The following UST variants were observed in gnomAD, a reference collection of about 807,000 sequenced individuals.
The protein encoded by UST is uronyl 2-sulfotransferase.
A neutral mutation model predicts 45.6 loss-of-function variants in UST; 21 were observed. The ratio of observed to expected loss-of-function variants is 0.46; its 90% CI spans 0.33 to 0.66. The LOEUF (loss-of-function observed/expected upper bound fraction) is 0.66. UST is among the 30% of genes least tolerant of loss of function. The probability of loss-of-function intolerance (pLI) is 0.02; values close to 1 mark genes in which losing one functional copy is unlikely to be tolerated. For synonymous variants in UST, 215 were observed against 200.6 expected, an observed-to-expected ratio of 1.07 and a Z score of -0.61; for missense variants, 463 against 512.4, an observed-to-expected ratio of 0.90 and a Z score of 0.93.
Position 148,948,152 on chromosome 6 carries a change from A to G in UST, c.448-5720A>G, listed in dbSNP as rs188350592. On this transcript the variant is annotated intron_variant, in intron 3 of 7. Transcript: ENST00000367463. The stretch of plus-strand genomic sequence containing the variant: ...GCCTCCTGCTTACAAGGGCTACCCC[A>G]TACTGTGGGAAGAGGGAAGGGTCAC... Among the ~76,000 whole-genome samples, 18 of 152,272 alleles carry G rather than the reference A, an allele frequency of 1.2e-4. 1 individual carries two copies. In the East Asian group the frequency reaches 1.7e-3, roughly 15 times the overall value.
At chr6:149,031,469 G>A (rs1255656539) in intron 7 of UST, among the ~76,000 whole-genome samples, 1 of 152,148 alleles carries the variant, frequency 6.6e-6, no homozygotes, top group Non-Finnish European at 1.5e-5. Flanking sequence ...TTAAATTGCA[G>A]CATAATATAT....
intron 1 of UST, among the ~76,000 whole-genome samples, chr6:148,795,689 G>A (rs529565872): frequency 1.5e-4 from 23 of 152,202 alleles, no homozygotes; most frequent in South Asian, 4.2e-4. Context: ...GGTTTGTTCT[G>A]CTCTAAAATC....
intron 2 of UST, among the ~76,000 whole-genome samples, chr6:148,913,600 T>C (rs1028178576): frequency 1.2e-4 from 18 of 152,062 alleles, no homozygotes; most frequent in Non-Finnish European, 2.6e-4. Context: ...TGAGTAGTTA[T>C]CCTTTTCTTA....
At chr6:148,824,674 C>CTTTTTTTT (rs535345402) in intron 1 of UST, among the ~76,000 whole-genome samples, 3 of 133,374 alleles carry the variant, frequency 2.2e-5, no homozygotes, top group Non-Finnish European at 3.2e-5. Context: ...TATTTTCTTT[C>CTTTTTTTT]TTTTTTTTTT....
intron 2 of UST, among the ~76,000 whole-genome samples, chr6:148,918,376 C>T (rs1317677861): frequency 1.3e-5 from 2 of 152,186 alleles, no homozygotes; most frequent in Non-Finnish European, 2.9e-5. Flanking sequence ...CCCAGCCTAT[C>T]TCTGCTACTT....
In UST at chr6:149,003,911, C is replaced by G. The variant is rs141771315; in HGVS notation, c.682-15228C>G. ...TAGACGTGCAGGGCCTCTATTCATT[C>G]CCAATAGATAATGACAACCAAAATA... On this transcript the variant is annotated intron_variant, in intron 5 of 7. Coordinates refer to ENST00000367463, the MANE Select transcript of UST (RefSeq NM_005715.3). Among the ~76,000 whole-genome samples, 588 of 152,256 alleles carry G rather than the reference C, an allele frequency of 3.9e-3. 3 individuals are homozygous for G. Among genetic ancestry groups the G allele is most frequent in the Admixed American group, 8.2e-3 (125 of 15,300 alleles).
At chr6:149,039,076 G>A (rs1394351616) in intron 7 of UST, among the ~76,000 whole-genome samples, 4 of 152,106 alleles carry the variant, frequency 2.6e-5, no homozygotes, top group Non-Finnish European at 5.9e-5. Flanking sequence ...TGTTAGTTGT[G>A]GTGGTTTCTG....
intron 7 of UST, among the ~76,000 whole-genome samples, chr6:149,053,998 C>T (rs1776527495): frequency 6.6e-6 from 1 of 152,186 alleles, no homozygotes; most frequent in South Asian, 2.1e-4. Flanking sequence ...CCATCTGTCA[C>T]CCCTGTCCAA....
chr6:148,970,005 G>A (rs567483072), intron 5 of UST, among the ~76,000 whole-genome samples: 5 of 152,208 alleles, frequency 3.3e-5, no homozygotes, highest in Non-Finnish European at 5.9e-5. Flanking sequence ...CGCCAGAGCC[G>A]AATGCTCCGC....
At chr6:148,770,740 C>T (rs2114672785) in intron 1 of UST, among the ~76,000 whole-genome samples, 1 of 152,276 alleles carries the variant, frequency 6.6e-6, no homozygotes, top group East Asian at 1.9e-4. Flanking sequence ...GGGTGTTAAG[C>T]TTCCTCTGCA....
At chr6:148,878,942 G>A (rs67910610) in intron 1 of UST, among the ~76,000 whole-genome samples, 10,993 of 152,068 alleles carry the variant, frequency 0.072, 709 homozygotes, top group African/African-American at 0.18. Flanking sequence ...ACTCTGGACA[G>A]ATAGAGGGTG....
At chr6:149,045,735 G>A (rs1776386174) in intron 7 of UST, among the ~76,000 whole-genome samples, 1 of 152,182 alleles carries the variant, frequency 6.6e-6, no homozygotes, top group Non-Finnish European at 1.5e-5. Context: ...AAGGAGAGGT[G>A]GGGTTTTAAG....
At chr6:148,867,584 T>C (rs1166771065) in intron 1 of UST, among the ~76,000 whole-genome samples, 1 of 152,120 alleles carries the variant, frequency 6.6e-6, no homozygotes, top group Non-Finnish European at 1.5e-5. Context: ...CCCCATACTG[T>C]TCTCGTGGTA....
At chr6:148,798,343 AAG>A (rs986081226) in intron 1 of UST, among the ~76,000 whole-genome samples, 3 of 152,082 alleles carry the variant, frequency 2.0e-5, no homozygotes, top group African/African-American at 7.2e-5. Context: ...CTAATATATG[AAG>A]AGGAGTGGGC....
In UST at chr6:148,941,339, G is replaced by A; in HGVS notation, c.352G>A (p.Val118Met). The A allele has an allele frequency of 6.2e-7, 1 of 1,613,166 alleles. No individual in the cohort carries two copies. Among genetic ancestry groups the A allele is most frequent in the Non-Finnish European group, 8.5e-7 (1 of 1,179,866 alleles). ...GGTAGGCAAGTGTGGGAGCCGTACT[G>A]TGGTCTTGCTTCTGAGAATCTTGTC... ...NRVGKCGSRT[V>M]VLLLRILSEK... The change falls in exon 3 of 8, where the codon GTG becomes ATG. Residue 118 changes from valine (V) to methionine (M), a missense_variant. Physicochemically the swap from Val to Met is conservative, Grantham distance 21. Around this residue, in one of 2 missense-constraint regions of UST, gnomAD observed 287 missense variants for 374.2 expected, o/e 0.77. Coordinates refer to ENST00000367463, the MANE Select transcript of UST (RefSeq NM_005715.3).
intron 1 of UST, among the ~76,000 whole-genome samples, chr6:148,867,367 T>C (rs1376253554): frequency 6.6e-6 from 1 of 152,124 alleles, no homozygotes; most frequent in Non-Finnish European, 1.5e-5. Context: ...AAAGCCATTT[T>C]ATTTGTAAAA....
chr6:148,967,519 C>G (rs752076437), intron 5 of UST, among the ~76,000 whole-genome samples: 1 of 152,058 alleles, frequency 6.6e-6, no homozygotes, highest in Non-Finnish European at 1.5e-5. Context: ...CCCATTAGAC[C>G]CTTGAAATAA....
At chr6:148,921,835 G>C (rs1474029695) in intron 2 of UST, among the ~76,000 whole-genome samples, 2 of 152,082 alleles carry the variant, frequency 1.3e-5, no homozygotes, top group African/African-American at 4.8e-5. Flanking sequence ...CCAGTTGGCT[G>C]TCCCCACTGC....
intron 7 of UST, among the ~76,000 whole-genome samples, chr6:149,035,220 T>G (rs776165906): frequency 6.6e-6 from 1 of 152,184 alleles, no homozygotes; most frequent in African/African-American, 2.4e-5. Flanking sequence ...CTTCTCTTTT[T>G]CAGCCTTTCT....
Sources: gnomAD v4.1 joint callset for allele counts (sites outside exome capture counted in the v4.1 genomes callset) on GRCh38, gnomAD v4.1.1 for gene constraint, gnomAD v4.1.1 regional missense constraint, MANE v1.5 for transcripts, NCBI Gene and HGNC (gene_info 2026-07-23, HGNC 2026-07-21) for gene names.